RORA: variants seen among roughly 807,000 people sequenced by gnomAD.
The protein encoded by RORA is nuclear receptor ROR-alpha.
A neutral mutation model predicts 69.5 loss-of-function variants in RORA; 7 were observed. The ratio of observed to expected loss-of-function variants is 0.10; its 90% CI spans 0.06 to 0.19. RORA has a LOEUF of 0.19. Among genes scored for constraint, RORA ranks in the 10% least tolerant of loss-of-function variants. The pLI, the probability that RORA is intolerant of heterozygous loss-of-function variation, is 1.00. For synonymous variants in RORA, 261 were observed against 240.8 expected (o/e 1.08, Z -0.78); for missense variants, 457 against 663.0 (o/e 0.69, Z 3.41).
At chr15:60,892,644 G>C (rs2073824755) in intron 1 of RORA, among the ~76,000 whole-genome samples, 1 of 152,218 alleles carries the variant, frequency 6.6e-6, no homozygotes, top group Admixed American at 6.5e-5. Flanking sequence ...AGGAAAAGTA[G>C]AGGAAGTTGA....
At chr15:60,988,736 AG>A (rs1163609392) in intron 1 of RORA, among the ~76,000 whole-genome samples, 1 of 152,202 alleles carries the variant, frequency 6.6e-6, no homozygotes, top group African/African-American at 2.4e-5. Context: ...ATTCTCAATA[AG>A]GTACACAATG....
At chr15:61,107,009 C>T (rs998187104) in intron 1 of RORA, among the ~76,000 whole-genome samples, 8 of 152,192 alleles carry the variant, frequency 5.3e-5, no homozygotes, top group African/African-American at 1.9e-4. Context: ...CTCCTACACA[C>T]ATCATCCTGA....
At chr15:61,011,541 G>A (rs1244896811) in intron 1 of RORA, among the ~76,000 whole-genome samples, 1 of 151,890 alleles carries the variant, frequency 6.6e-6, no homozygotes, top group Non-Finnish European at 1.5e-5. Context: ...ACACAGTGCC[G>A]TTTCCTTTGA....
At chr15:60,613,026 T>C (rs914482537) in intron 2 of RORA, among the ~76,000 whole-genome samples, 3 of 152,168 alleles carry the variant, frequency 2.0e-5, no homozygotes, top group African/African-American at 7.2e-5. Context: ...TCAGGAATTT[T>C]TTTTTTTAAT....
intron 2 of RORA, among the ~76,000 whole-genome samples, chr15:60,666,842 T>G (rs1457846612): frequency 6.6e-6 from 1 of 152,164 alleles, no homozygotes; most frequent in Non-Finnish European, 1.5e-5. Context: ...GACCAGATTG[T>G]AAAAGGCCTC....
intron 1 of RORA, among the ~76,000 whole-genome samples, chr15:61,144,157 G>A (rs1448681515): frequency 6.6e-6 from 1 of 152,206 alleles, no homozygotes; most frequent in Non-Finnish European, 1.5e-5. Context: ...GGAGAGTCAT[G>A]TGCAGGTTTA....
At chr15:61,114,937 C>A (rs1446746094) in intron 1 of RORA, among the ~76,000 whole-genome samples, 1 of 152,170 alleles carries the variant, frequency 6.6e-6, no homozygotes, top group Non-Finnish European at 1.5e-5. Flanking sequence ...ATGCTTTTAA[C>A]CTATTCATTT....
intron 1 of RORA, among the ~76,000 whole-genome samples, chr15:61,155,949 G>A (rs1447302101): frequency 2.0e-5 from 3 of 152,106 alleles, no homozygotes; most frequent in Non-Finnish European, 4.4e-5. Context: ...TCTGGAAAAC[G>A]GGATTATACA....
At position 60,495,401 on chromosome 15, in the gene RORA, A is replaced by C. The variant is rs1336654724; in HGVS notation, c.*2054T>G. The C allele has an allele frequency of 6.6e-6, 1 of 152,250 alleles. No homozygotes were observed. Among genetic ancestry groups the C allele is most frequent in the Non-Finnish European group, 1.5e-5 (1 of 68,046 alleles). 9.4% of individuals were successfully genotyped at this position (152,250 alleles called of 1,614,324 possible). ...AATATTACTCTTCTATTTATGGTTA[A>C]ACTCTTACTATGTTTTTGGAAAAAA... On this transcript the variant is annotated 3_prime_UTR_variant, in exon 11 of 11. Coordinates refer to ENST00000335670, the MANE Select transcript of RORA (RefSeq NM_134261.3).
chr15:60,651,181 A>T (rs1246437270), intron 2 of RORA, among the ~76,000 whole-genome samples: 1 of 152,188 alleles, frequency 6.6e-6, no homozygotes, highest in Non-Finnish European at 1.5e-5. Context: ...CCATCCTTTC[A>T]TGGAAACATA....
At chr15:60,510,345 G>A (rs1216308083) in intron 5 of RORA, 1 of 152,190 alleles carries the variant, frequency 6.6e-6, no homozygotes, top group Non-Finnish European at 1.5e-5. Flanking sequence ...TATAGCAGCG[G>A]ATGTTAACAC....
At chr15:61,119,494 A>G (rs905456946) in intron 1 of RORA, among the ~76,000 whole-genome samples, 2 of 151,702 alleles carry the variant, frequency 1.3e-5, no homozygotes, top group African/African-American at 2.4e-5. Context: ...TTCCCCCCAG[A>G]GACAGGGTTT....
chr15:61,039,371 G>A (rs568277332), intron 1 of RORA, among the ~76,000 whole-genome samples: 51 of 152,208 alleles, frequency 3.4e-4, no homozygotes, highest in Non-Finnish European at 6.0e-4. Flanking sequence ...AAGGTGTCTG[G>A]TTTCTTTCTT....
At chr15:61,009,634 G>A (rs968904204) in intron 1 of RORA, among the ~76,000 whole-genome samples, 2 of 152,106 alleles carry the variant, frequency 1.3e-5, no homozygotes, top group East Asian at 1.9e-4. Flanking sequence ...TCTTGACTAC[G>A]CTTAGACCTC....
At chr15:61,157,385 T>A (rs2079454119) in intron 1 of RORA, among the ~76,000 whole-genome samples, 1 of 152,214 alleles carries the variant, frequency 6.6e-6, no homozygotes, top group Non-Finnish European at 1.5e-5. Flanking sequence ...CAGCTAAACA[T>A]AAAATGTTAA....
intron 1 of RORA, among the ~76,000 whole-genome samples, chr15:60,785,617 C>T (rs2072323170): frequency 1.3e-5 from 2 of 152,216 alleles, no homozygotes; most frequent in South Asian, 4.1e-4. Flanking sequence ...CTACATCTCA[C>T]ATCATGCTTC....
intron 1 of RORA, among the ~76,000 whole-genome samples, chr15:61,191,704 A>G (rs2079802024): frequency 6.6e-6 from 1 of 152,244 alleles, no homozygotes; most frequent in African/African-American, 2.4e-5. Flanking sequence ...ATGCAGACGC[A>G]GCACACATAG....
At chr15:60,811,515 GA>G (rs1352720592) in intron 1 of RORA, among the ~76,000 whole-genome samples, 1 of 152,196 alleles carries the variant, frequency 6.6e-6, no homozygotes, top group Admixed American at 6.5e-5. Flanking sequence ...GGATTTTGAG[GA>G]GAGAATAGAA....
chr15:60,951,175 G>T (rs1178390395), intron 1 of RORA, among the ~76,000 whole-genome samples: 4 of 152,102 alleles, frequency 2.6e-5, no homozygotes, highest in South Asian at 2.1e-4. Flanking sequence ...TGAACAACCT[G>T]CTCCTGAATG....
Sources: gnomAD v4.1 joint callset for allele counts (sites outside exome capture counted in the v4.1 genomes callset) on GRCh38, gnomAD v4.1.1 for gene constraint, MANE v1.5 for transcripts, NCBI Gene and HGNC (gene_info 2026-07-23, HGNC 2026-07-21) for gene names.